The following PTP4A1 variants were observed in gnomAD, a reference collection of about 807,000 sequenced individuals.
PTP4A1 encodes protein tyrosine phosphatase 4A1, also known as protein tyrosine phosphatase type IVA 1.
In PTP4A1, 9 loss-of-function variants were observed where a neutral mutation model predicts 20.5. The ratio of observed to expected loss-of-function variants is 0.44; its 90% CI spans 0.26 to 0.77. The LOEUF is 0.77. Among genes scored for constraint, PTP4A1 ranks in the 30% least tolerant of loss-of-function variants. The pLI is 0.19. For missense variants in PTP4A1, 137 were observed against 218.8 expected, an observed-to-expected ratio of 0.63 and a Z score of 2.36; for synonymous variants, 78 against 67.4, an observed-to-expected ratio of 1.16 and a Z score of -0.77.
intron 2 of PTP4A1, chr6:63,549,540 G>A: frequency 1.6e-6 from 1 of 631,838 alleles, no homozygotes; most frequent in Non-Finnish European, 2.8e-6. Context: ...TATTTTTAAA[G>A]GTGATAAATG....
chr6:63,518,436 G>A (rs538202091), upstream of PTP4A1, among the ~76,000 whole-genome samples: 9 of 152,206 alleles, frequency 5.9e-5, no homozygotes, highest in Admixed American at 2.0e-4. Flanking sequence ...GACATCCCCA[G>A]GGCAAACAAA....
In PTP4A1 at chr6:63,580,278, T is replaced by A; in HGVS notation, c.*104T>A. On this transcript the variant is annotated 3_prime_UTR_variant, in exon 6 of 6. Transcript: ENST00000626021. The stretch of plus-strand genomic sequence containing the variant: ...CTTAGTAAGTCTAATGAAGCTTCCA[T>A]AGGAGTATTGAAAGGCAGTTTTACC... 1.1e-6 allele frequency: 1 copy of A among 947,106 alleles called. No homozygotes were observed. The highest frequency in any genetic ancestry group is 1.6e-6 in the Non-Finnish European group (1 of 611,840). 58.7% of individuals were successfully genotyped at this position (947,106 alleles called of 1,614,324 possible). A position where few individuals can be genotyped will look rare whatever the true frequency, so the allele number is the denominator to read the frequency against.
At chr6:63,532,772 G>A (rs1345506174) in intron 2 of PTP4A1, among the ~76,000 whole-genome samples, 1 of 152,042 alleles carries the variant, frequency 6.6e-6, no homozygotes, top group African/African-American at 2.4e-5. Context: ...TGTTCAATCA[G>A]TATCTAGGCC....
intron 1 of PTP4A1, among the ~76,000 whole-genome samples, chr6:63,523,399 TG>T (rs1775022374): frequency 2.0e-5 from 3 of 152,018 alleles, no homozygotes. Context: ...CCAGGCATGA[TG>T]GGGCATGCCT....
upstream of PTP4A1, chr6:63,572,220 C>T (rs1358213779): frequency 6.2e-6 from 1 of 162,162 alleles, no homozygotes; most frequent in Non-Finnish European, 1.3e-5. Flanking sequence ...GCTCCCACCC[C>T]TTCTTAACTT....
chr6:63,550,090 T>C (rs1776371027), intron 2 of PTP4A1, among the ~76,000 whole-genome samples: 1 of 152,234 alleles, frequency 6.6e-6, no homozygotes, highest in Admixed American at 6.5e-5. Context: ...TTATTATGTG[T>C]CAACTTGAAA....
intron 1 of PTP4A1, among the ~76,000 whole-genome samples, chr6:63,523,005 C>T (rs1775000483): frequency 6.6e-6 from 1 of 151,964 alleles, no homozygotes; most frequent in Admixed American, 6.6e-5. Flanking sequence ...GCTGGGACTA[C>T]AGGCATGTGC....
At chr6:63,528,425 G>T (rs1775282359) in intron 2 of PTP4A1, among the ~76,000 whole-genome samples, 1 of 151,108 alleles carries the variant, frequency 6.6e-6, no homozygotes, top group Non-Finnish European at 1.5e-5. Context: ...GTGAATCTCT[G>T]TCTTTTTTTT....
upstream of PTP4A1, among the ~76,000 whole-genome samples, chr6:63,518,550 G>A (rs750638975): frequency 5.3e-5 from 8 of 152,212 alleles, no homozygotes; most frequent in Non-Finnish European, 1.0e-4. Context: ...TGGGGGCAAT[G>A]TAGGTATCAG....
intron 2 of PTP4A1, among the ~76,000 whole-genome samples, chr6:63,531,512 CTTTTT>C (rs753354152): frequency 1.6e-5 from 2 of 128,536 alleles, no homozygotes; most frequent in Admixed American, 8.1e-5. Flanking sequence ...ATCTATTATG[CTTTTT>C]TTTTTTTTTT....
intron 2 of PTP4A1, among the ~76,000 whole-genome samples, chr6:63,538,030 TAAGA>T (rs1043559152): frequency 6.6e-6 from 1 of 152,222 alleles, no homozygotes; most frequent in Admixed American, 6.5e-5. Context: ...TGGAGATTAG[TAAGA>T]AAGAAAGATA....
intron 2 of PTP4A1, among the ~76,000 whole-genome samples, chr6:63,528,520 T>C (rs1201254296): frequency 1.3e-5 from 2 of 151,968 alleles, no homozygotes; most frequent in Non-Finnish European, 2.9e-5. Flanking sequence ...AGCCCAGGTG[T>C]TCAAGGCCAG....
At chr6:63,540,681 C>G (rs1775924288) in intron 2 of PTP4A1, among the ~76,000 whole-genome samples, 1 of 151,720 alleles carries the variant, frequency 6.6e-6, no homozygotes, top group Non-Finnish European at 1.5e-5. Context: ...AGATTTCTAT[C>G]ACAATACCAT....
intron 1 of PTP4A1, among the ~76,000 whole-genome samples, chr6:63,524,804 T>A (rs1267717653): frequency 6.6e-6 from 1 of 152,262 alleles, no homozygotes; most frequent in African/African-American, 2.4e-5. Context: ...TCTATTTTAA[T>A]CATTTCCTTT....
In PTP4A1 at chr6:63,576,044, GAA is replaced by G. The variant is rs200046010; in HGVS notation, c.-445-389_-445-388del. Among the ~76,000 whole-genome samples, 14 of 151,054 alleles carry G rather than the reference GAA, an allele frequency of 9.3e-5. No homozygotes were observed. In the East Asian group the frequency reaches 2.7e-3, roughly 29 times the overall value. On this transcript the variant is annotated intron_variant, in intron 1 of 5. Coordinates refer to ENST00000626021, the MANE Select transcript of PTP4A1 (RefSeq NM_003463.5). ...AAAGTGTATGTAATTACAATGTAAA[GAA>G]AACAACTATCGAAAGGGATAATTAT... is the stretch of plus-strand genomic sequence containing the variant.
At chr6:63,542,176 G>A (rs1034732071) in intron 2 of PTP4A1, among the ~76,000 whole-genome samples, 1 of 152,016 alleles carries the variant, frequency 6.6e-6, no homozygotes, top group Non-Finnish European at 1.5e-5. Context: ...TCAGGAATGG[G>A]AAACCAAACA....
chr6:63,526,421 T>A (rs1428594892), intron 1 of PTP4A1, among the ~76,000 whole-genome samples: 1 of 152,076 alleles, frequency 6.6e-6, no homozygotes, highest in Non-Finnish European at 1.5e-5. Flanking sequence ...TGAAGAATTC[T>A]TACATAATCT....
At chr6:63,528,527 C>T (rs1775287700) in intron 2 of PTP4A1, among the ~76,000 whole-genome samples, 1 of 151,958 alleles carries the variant, frequency 6.6e-6, no homozygotes, top group African/African-American at 2.4e-5. Flanking sequence ...GTGTTCAAGG[C>T]CAGCCTGGGC....
At chr6:63,569,006 C>G (rs1228941686), upstream of PTP4A1, among the ~76,000 whole-genome samples, 3 of 152,138 alleles carry the variant, frequency 2.0e-5, no homozygotes, top group Non-Finnish European at 4.4e-5. Flanking sequence ...CACGTTTAAT[C>G]TATTATGGCA....
Sources: allele counts gnomAD v4.1 joint callset (sites outside exome capture counted in the v4.1 genomes callset), GRCh38; gene constraint gnomAD v4.1.1; transcripts MANE v1.5; gene names NCBI Gene and HGNC (gene_info 2026-07-23, HGNC 2026-07-21).